GALNT13: variants seen among roughly 807,000 people sequenced by gnomAD.
GALNT13 encodes polypeptide N-acetylgalactosaminyltransferase 13, also known as UDP-GalNAc:polypeptide N-acetylgalactosaminyltransferase 13.
GALNT13 carries 28 observed loss-of-function variants against 64.2 expected under a neutral mutation model. The observed-to-expected ratio is 0.44, with a 90% CI of 0.32 to 0.60. The LOEUF (loss-of-function observed/expected upper bound fraction) is 0.60, where lower values mean the gene tolerates loss of function less well. Ranked by LOEUF, GALNT13 falls within the 20% of genes least tolerant of loss-of-function variation. The pLI, the probability that GALNT13 is intolerant of heterozygous loss-of-function variation, is 0.05. For synonymous variants in GALNT13, 214 were observed against 224.6 expected (o/e 0.95, Z 0.42); for missense variants, 577 against 669.8 (o/e 0.86, Z 1.53).
At chr2:154,304,668 A>G (rs541579373) in intron 9 of GALNT13, among the ~76,000 whole-genome samples, 100 of 152,364 alleles carry the variant, frequency 6.6e-4, no homozygotes, top group Non-Finnish European at 1.1e-3. Flanking sequence ...AAGCATGGGA[A>G]AAAATGCCTG....
chr2:154,057,777 C>T (rs907057159), intron 3 of GALNT13, among the ~76,000 whole-genome samples: 1 of 151,992 alleles, frequency 6.6e-6, no homozygotes, highest in African/African-American at 2.4e-5. Flanking sequence ...TTTGTTTGTG[C>T]CTATGTAATT....
intron 4 of GALNT13, among the ~76,000 whole-genome samples, chr2:154,211,934 T>A (rs1179638157): frequency 6.6e-6 from 1 of 152,022 alleles, no homozygotes; most frequent in Non-Finnish European, 1.5e-5. Flanking sequence ...GTAGGTCATT[T>A]CCCACAGAGA....
intron 3 of GALNT13, among the ~76,000 whole-genome samples, chr2:153,974,815 A>G (rs895518543): frequency 2.6e-5 from 4 of 151,984 alleles, no homozygotes; most frequent in Non-Finnish European, 5.9e-5. Context: ...TTCTGTCACT[A>G]GGTCCTAGGA....
intron 3 of GALNT13, among the ~76,000 whole-genome samples, chr2:153,993,927 T>G (rs1165332164): frequency 6.6e-6 from 1 of 151,996 alleles, no homozygotes; most frequent in Non-Finnish European, 1.5e-5. Context: ...TTTTTTGTTA[T>G]TATTATACTT....
chr2:154,001,061 T>C (rs866737431), intron 3 of GALNT13, among the ~76,000 whole-genome samples: 1 of 152,024 alleles, frequency 6.6e-6, no homozygotes, highest in African/African-American at 2.4e-5. Flanking sequence ...TTTGATATTG[T>C]TGTCATTCCT....
At chr2:154,337,380 C>T (rs1462809804) in intron 9 of GALNT13, among the ~76,000 whole-genome samples, 2 of 151,946 alleles carry the variant, frequency 1.3e-5, no homozygotes, top group African/African-American at 4.8e-5. Context: ...AAGCTTTTAG[C>T]TATATTTCAA....
At chr2:154,369,167 A>C (rs1282481589) in intron 9 of GALNT13, among the ~76,000 whole-genome samples, 1 of 152,116 alleles carries the variant, frequency 6.6e-6, no homozygotes, top group Non-Finnish European at 1.5e-5. Context: ...GAGCCCTAAA[A>C]AGCCTGAGAT....
At chr2:153,836,394 A>C in the GALNT13 span, among the ~76,000 whole-genome samples, 15 of 152,074 alleles carry the variant, frequency 9.9e-5, no homozygotes, top group Admixed American at 8.5e-4. Flanking sequence ...AACTATTGTC[A>C]TCATGCTACA....
At chr2:153,356,505 A>G in the GALNT13 span, 4 of 152,204 alleles carry the variant, frequency 2.6e-5, no homozygotes, top group Non-Finnish European at 4.4e-5. Flanking sequence ...TTGTTCATCA[A>G]TGACTGGCCA....
intron 7 of GALNT13, among the ~76,000 whole-genome samples, chr2:154,254,629 A>G (rs1480470500): frequency 1.3e-5 from 2 of 151,666 alleles, no homozygotes; most frequent in Admixed American, 1.3e-4. Flanking sequence ...GGCATAAAAA[A>G]TGTGGTTTTT....
the GALNT13 span, among the ~76,000 whole-genome samples, chr2:153,453,870 T>C: frequency 4.6e-5 from 7 of 152,192 alleles, no homozygotes; most frequent in Admixed American, 4.6e-4. Context: ...CCAGAGTAGG[T>C]GCCCATCAAC....
chr2:153,343,325 A>G, the GALNT13 span, among the ~76,000 whole-genome samples: 3 of 152,196 alleles, frequency 2.0e-5, no homozygotes, highest in African/African-American at 7.2e-5. Flanking sequence ...TAACTAAAAT[A>G]TTATTGAACA....
intron 10 of GALNT13, among the ~76,000 whole-genome samples, chr2:154,407,492 C>T (rs2105388294): frequency 6.6e-6 from 1 of 152,230 alleles, no homozygotes; most frequent in East Asian, 1.9e-4. Context: ...TTCCTTAATC[C>T]TCTCCAGCTG....
intron 3 of GALNT13, among the ~76,000 whole-genome samples, chr2:154,124,690 A>G (rs192508392): frequency 8.4e-4 from 128 of 152,030 alleles, no homozygotes; most frequent in Middle Eastern, 6.8e-3. Context: ...CTATGATTTA[A>G]TATGAAAAAT....
the GALNT13 span, among the ~76,000 whole-genome samples, chr2:153,588,237 G>C: frequency 1.3e-5 from 2 of 152,178 alleles, no homozygotes; most frequent in East Asian, 3.8e-4. Context: ...TCTGGAGGAT[G>C]GTGGCCTTCT....
chr2:154,452,348 A>G lies in GALNT13; in HGVS notation c.*1797A>G, dbSNP rs1701903237. 6.6e-6 allele frequency: 1 copy of G among 152,096 alleles called. No homozygotes were observed. The highest frequency in any genetic ancestry group is 6.6e-5 in the Admixed American group (1 of 15,228). 9.4% of individuals were successfully genotyped at this position (152,096 alleles called of 1,614,324 possible). A position where few individuals can be genotyped will look rare whatever the true frequency, so the allele number is the denominator to read the frequency against. On this transcript the variant is annotated 3_prime_UTR_variant, in exon 13 of 13. Transcript: ENST00000392825. Reference sequence around the variant, plus strand: ...GCCTTAAATTAATAGCAGCCTCTCAAGTCCATTGAGGCCTCATGTAAAATT... The same window carrying G: ...GCCTTAAATTAATAGCAGCCTCTCAGGTCCATTGAGGCCTCATGTAAAATT...
intron 8 of GALNT13, among the ~76,000 whole-genome samples, chr2:154,260,394 A>AATT (rs1690632647): frequency 6.6e-6 from 1 of 152,164 alleles, no homozygotes; most frequent in Admixed American, 6.6e-5. Flanking sequence ...AGTTACCTTG[A>AATT]ATTTCTCTAC....
chr2:153,235,136 G>A, the GALNT13 span, among the ~76,000 whole-genome samples: 2 of 152,178 alleles, frequency 1.3e-5, no homozygotes, highest in East Asian at 3.9e-4. Context: ...ACCAACAACA[G>A]GTAGTTGCCC....
chr2:153,442,418 G>T, the GALNT13 span, among the ~76,000 whole-genome samples: 1 of 152,100 alleles, frequency 6.6e-6, no homozygotes, highest in Non-Finnish European at 1.5e-5. Context: ...TTTTTTTGTT[G>T]TGTCTCTGCC....
Sources: gnomAD v4.1 joint callset for allele counts (sites outside exome capture counted in the v4.1 genomes callset) on GRCh38, gnomAD v4.1.1 for gene constraint, MANE v1.5 for transcripts, NCBI Gene and HGNC (gene_info 2026-07-23, HGNC 2026-07-21) for gene names.